The following EPHA8 variants were observed in gnomAD, a reference collection of about 807,000 sequenced individuals.
EPHA8 encodes EPH receptor A8.
In EPHA8, 58 loss-of-function variants were observed where a neutral mutation model predicts 103.6. The observed-to-expected ratio is 0.56, with a 90% CI of 0.45 to 0.70. EPHA8 has a LOEUF of 0.70. Among genes scored for constraint, EPHA8 ranks in the 30% least tolerant of loss-of-function variants. The pLI is 0.00. For missense variants in EPHA8, 1,304 were observed against 1,395.2 expected, an observed-to-expected ratio of 0.93 and a Z score of 1.04; for synonymous variants, 559 against 572.5, an observed-to-expected ratio of 0.98 and a Z score of 0.34.
chr1:22,596,098 C>T lies in EPHA8; in HGVS notation c.1698-8C>T. On this transcript the variant is annotated splice_region_variant and splice_polypyrimidine_tract_variant and intron_variant, in intron 8 of 16. Transcript: ENST00000166244. The stretch of plus-strand genomic sequence containing the variant: ...TGGCCTCAGGCAGGGCGGTGCCCTC[C>T]TCTGCAGGCACTGTGGCTACAGCAA... The T allele has an allele frequency of 6.2e-7, 1 of 1,613,694 alleles. No homozygotes were observed.
chr1:22,584,665 T>C (rs193034612), intron 3 of EPHA8, among the ~76,000 whole-genome samples: 11 of 152,244 alleles, frequency 7.2e-5, no homozygotes, highest in African/African-American at 2.4e-4. Context: ...CACAGTGAGC[T>C]TCCCAGTGGT....
intron 13 of EPHA8, 45 bp from the exon 14 acceptor site, chr1:22,600,616 C>T (rs771451302): frequency 3.7e-6 from 6 of 1,604,980 alleles, no homozygotes; most frequent in Non-Finnish European, 5.1e-6. Flanking sequence ...GGGGGACACC[C>T]TGCCAGGCCT....
chr1:22,579,103 A>G (rs1308243720), intron 3 of EPHA8, among the ~76,000 whole-genome samples: 11 of 97,538 alleles, frequency 1.1e-4, no homozygotes, highest in South Asian at 5.6e-4. Flanking sequence ...GTGCATGTGT[A>G]TGTGTGCATG....
At position 22,598,785 on chromosome 1, in the gene EPHA8, G is replaced by C. The variant is rs1051149337; in HGVS notation, c.2179-53G>C. 55 of 1,576,536 alleles carry C rather than the reference G, an allele frequency of 3.5e-5. No homozygotes were observed. The highest frequency in any genetic ancestry group is 4.5e-5 in the East Asian group (2 of 44,118). Reference sequence around the variant, plus strand: ...ACAGATGGGAGGTGTTCCTGTTCACGGACCAGGCGCCTCGCCGGGCTTTCC... The same window carrying C: ...ACAGATGGGAGGTGTTCCTGTTCACCGACCAGGCGCCTCGCCGGGCTTTCC... On this transcript the variant is annotated intron_variant, in intron 12 of 16. Coordinates refer to ENST00000166244, the MANE Select transcript of EPHA8 (RefSeq NM_020526.5). The surrounding 1 kb of genome is among the most constrained non-coding windows in gnomAD (Gnocchi z 5.1).
At chr1:22,592,481 G>C (rs768786575) in intron 5 of EPHA8, among the ~76,000 whole-genome samples, 25 of 152,142 alleles carry the variant, frequency 1.6e-4, no homozygotes, top group Admixed American at 6.5e-4. Flanking sequence ...CTTTCCCCTG[G>C]ACCACACCCT....
At chr1:22,577,455 G>T (rs892169650) in intron 3 of EPHA8, among the ~76,000 whole-genome samples, 2 of 152,182 alleles carry the variant, frequency 1.3e-5, no homozygotes, top group African/African-American at 4.8e-5. Context: ...AACCTGTAGG[G>T]TGGAGGGAAG....
chr1:22,596,212 G>A, intron 9 of EPHA8, 39 bp downstream of exon 9: 1 of 1,598,274 alleles, frequency 6.3e-7, no homozygotes, highest in Non-Finnish European at 8.6e-7. Context: ...CAGAGGGAAG[G>A]CCACAGGGGG....
chr1:22,565,825 G>A (rs1273004022), intron 1 of EPHA8, among the ~76,000 whole-genome samples: 2 of 152,294 alleles, frequency 1.3e-5, no homozygotes, highest in East Asian at 3.9e-4. Context: ...GCCCAAGGGC[G>A]AGAGTCCACG....
At chr1:22,581,167 T>A (rs1641036403) in intron 3 of EPHA8, among the ~76,000 whole-genome samples, 1 of 152,188 alleles carries the variant, frequency 6.6e-6, no homozygotes. Context: ...AGCAGAGTAG[T>A]GATCTGATCC....
chr1:22,581,080 C>T (rs1460537796), intron 3 of EPHA8, among the ~76,000 whole-genome samples: 1 of 152,230 alleles, frequency 6.6e-6, no homozygotes, highest in Non-Finnish European at 1.5e-5. Context: ...AATTTCTTAT[C>T]CTTACAACAG....
rs767406957 is a variant in EPHA8 at position 22,600,654 on chromosome 1, G to A, written c.2389-7G>A. The A allele has an allele frequency of 4.5e-5, 73 of 1,612,696 alleles. No individual in the cohort carries two copies. Among genetic ancestry groups the A allele is most frequent in the African/African-American group, 2.7e-4 (20 of 74,888 alleles). ...GCAGCCCCTCAACTCTTGTGTGTCC[G>A]TCGCAGGGCGGGAAGATCCCCATCC... On this transcript the variant is annotated splice_region_variant and splice_polypyrimidine_tract_variant and intron_variant, in intron 13 of 16. Coordinates refer to ENST00000166244, the MANE Select transcript of EPHA8 (RefSeq NM_020526.5).
rs767106998 is a variant in EPHA8 at position 22,589,064 on chromosome 1, C to A, written c.1173C>A (p.Ser391Arg). 22 of 1,613,150 alleles carry A rather than the reference C, an allele frequency of 1.4e-5. No individual in the cohort carries two copies. In the African/African-American group the frequency reaches 1.6e-4, roughly 12 times the overall value. ...CCCGCTTTGTGCCCCAGCAGACAAG[C>A]CTGGTGCAGGCCAGCCTGCTGGTGG... ...SGTRFVPQQT[S>R]LVQASLLVAN... Residue 391 changes from serine (S) to arginine (R), a missense_variant, in exon 5 of 17, where the codon AGC becomes AGA. Coordinates refer to ENST00000166244, the MANE Select transcript of EPHA8 (RefSeq NM_020526.5). This position sits in a 1 kb window ranked among gnomAD's most constrained non-coding sequence, Gnocchi z 4.3.
intron 2 of EPHA8, among the ~76,000 whole-genome samples, chr1:22,571,458 T>C (rs1428338528): frequency 6.6e-6 from 1 of 152,184 alleles, no homozygotes; most frequent in African/African-American, 2.4e-5. Context: ...TGGGTCTCTC[T>C]GGGCCCAGAG....
intron 3 of EPHA8, among the ~76,000 whole-genome samples, chr1:22,577,177 T>C (rs1640732766): frequency 6.6e-6 from 1 of 152,158 alleles, no homozygotes; most frequent in Admixed American, 6.5e-5. Context: ...TGCAATTGGG[T>C]ATGCTATGGG....
Position 22,576,125 on chromosome 1 carries a change from T to G in EPHA8, c.160-92T>G. On this transcript the variant is annotated intron_variant, in intron 2 of 16. Transcript: ENST00000166244. The surrounding 1 kb of genome is among the most constrained non-coding windows in gnomAD (Gnocchi z 4.8). ...AGGCCAGCTCCTTTGTCTTTTTTTT[T>G]GCCAGCGTCCCCAGCACAGAACACA... The G allele has an allele frequency of 3.5e-6, 5 of 1,433,626 alleles. No individual in the cohort carries two copies. The highest frequency in any genetic ancestry group is 2.3e-5 in the East Asian group (1 of 43,340). The allele number at this position is 1,433,626 out of a possible 1,614,324, so 88.8% of individuals were successfully genotyped here. A position where few individuals can be genotyped will look rare whatever the true frequency, so the allele number is the denominator to read the frequency against.
chr1:22,598,116 A>G lies in EPHA8; in HGVS notation c.2117-35A>G, dbSNP rs372715561. 6.2e-6 allele frequency: 10 copies of G among 1,611,226 alleles called. No individual in the cohort carries two copies. Among genetic ancestry groups the G allele is most frequent in the Admixed American group, 3.3e-5 (2 of 59,980 alleles). On this transcript the variant is annotated intron_variant, in intron 11 of 16. Transcript: ENST00000166244. The surrounding 1 kb of genome is among the most constrained non-coding windows in gnomAD (Gnocchi z 5.1). The stretch of plus-strand genomic sequence containing the variant: ...CTCTGATCAGCAGCCCTGAGCCCCA[A>G]ACCAAGAGCCACCCTCTCCCTACTG...
In EPHA8 at chr1:22,584,090, T is replaced by A. The variant is rs539161411; in HGVS notation, c.824-2390T>A. Among the ~76,000 whole-genome samples, 10 of 152,358 alleles carry A rather than the reference T, an allele frequency of 6.6e-5. No individual in the cohort carries two copies. The South Asian group carries it at 1.7e-3, about 25-fold the overall frequency. ...TGGATTGGATCATTACAGTGAGGAT[T>A]ACTGTCATTCAGCTCAGTAACAGGT... On this transcript the variant is annotated intron_variant, in intron 3 of 16. Coordinates refer to ENST00000166244, the MANE Select transcript of EPHA8 (RefSeq NM_020526.5).
chr1:22,580,676 T>G (rs2148240643), intron 3 of EPHA8, among the ~76,000 whole-genome samples: 1 of 152,298 alleles, frequency 6.6e-6, no homozygotes, highest in Middle Eastern at 3.4e-3. Context: ...ACACCCCTAT[T>G]GCCTTCACAG....
Position 22,563,518 on chromosome 1 carries a change from G to GAGCCGC in EPHA8, c.-118_-117insAGCCGC, listed in dbSNP as rs1178663288. 1 of 146,296 alleles carries GAGCCGC rather than the reference G, an allele frequency of 6.8e-6. No individual in the cohort carries two copies. The highest frequency in any genetic ancestry group is 2.5e-5 in the African/African-American group (1 of 40,664). 9.1% of individuals were successfully genotyped at this position (146,296 alleles called of 1,614,324 possible). ...GCGCTGGGAGCCGCGTGTGCGCCGG[G>GAGCCGC]GTGTGCGCCCGGCCGGGTGTGCGGA... On this transcript the variant is annotated 5_prime_UTR_variant, in exon 1 of 17. Transcript: ENST00000166244. The surrounding 1 kb of genome is among the most constrained non-coding windows in gnomAD (Gnocchi z 4.4).
Sources: allele counts gnomAD v4.1 joint callset (sites outside exome capture counted in the v4.1 genomes callset), GRCh38; gene constraint gnomAD v4.1.1; non-coding constraint Gnocchi (gnomAD v3.1); transcripts MANE v1.5; gene names NCBI Gene and HGNC (gene_info 2026-07-23, HGNC 2026-07-21).